The following SOCS7 variants were observed in gnomAD, a reference collection of about 807,000 sequenced individuals.
SOCS7 encodes the protein NAP-4.
SOCS7 carries 18 observed loss-of-function variants against 58.9 expected under a neutral mutation model. That is an observed-to-expected ratio of 0.31 (90% CI 0.21 to 0.45). The LOEUF is 0.45. Among genes scored for constraint, SOCS7 ranks in the 20% least tolerant of loss-of-function variants. The probability of loss-of-function intolerance (pLI) is 1.00; values close to 1 mark genes in which losing one functional copy is unlikely to be tolerated. For synonymous variants in SOCS7, 388 were observed against 364.3 expected (o/e 1.06, Z -0.74); for missense variants, 667 against 837.3 (o/e 0.80, Z 2.51).
rs1179341307 is a variant in SOCS7, at chr17:38,399,570, G to C, written c.*88G>C. ...CCAAATTAAGCTACCATGAAAAGAAGAGGAAAAGTGAGGGAACAGGAAGGT... is the reference window on the plus strand; with the variant it reads ...CCAAATTAAGCTACCATGAAAAGAACAGGAAAAGTGAGGGAACAGGAAGGT... On this transcript the variant is annotated 3_prime_UTR_variant, in exon 10 of 10. Coordinates refer to ENST00000612932, the MANE Select transcript of SOCS7 (RefSeq NM_014598.4). 1 of 152,648 alleles carries C rather than the reference G, an allele frequency of 6.6e-6. No individual in the cohort carries two copies. Among genetic ancestry groups the C allele is most frequent in the Non-Finnish European group, 1.5e-5 (1 of 68,042 alleles). The allele number at this position is 152,648 out of a possible 1,614,324, so 9.5% of individuals were successfully genotyped here.
chr17:38,380,219 T>G (rs2037983208), intron 7 of SOCS7, among the ~76,000 whole-genome samples: 1 of 152,212 alleles, frequency 6.6e-6, no homozygotes, highest in Non-Finnish European at 1.5e-5. Context: ...GAGTGTGTAG[T>G]GTTTGCAACT....
chr17:38,394,912 C>T (rs569989229), intron 7 of SOCS7, among the ~76,000 whole-genome samples: 1 of 152,058 alleles, frequency 6.6e-6, no homozygotes, highest in Non-Finnish European at 1.5e-5. Context: ...TATCTGGGTA[C>T]GATGGCATGC....
chr17:38,387,960 C>T (rs983985676), intron 7 of SOCS7, among the ~76,000 whole-genome samples: 7 of 151,368 alleles, frequency 4.6e-5, no homozygotes, highest in Non-Finnish European at 7.4e-5. Flanking sequence ...TTAGTAGAGA[C>T]GGGATTTCGC....
intron 2 of SOCS7, among the ~76,000 whole-genome samples, chr17:38,362,482 T>G (rs1458443029): frequency 1.2e-4 from 19 of 152,236 alleles, no homozygotes; most frequent in Admixed American, 1.2e-3. Context: ...TTTGCCCATG[T>G]CTCAGAAACT....
chr17:38,366,481 C>T (rs1168500271), intron 5 of SOCS7, 64 bp downstream of exon 5: 1 of 1,572,332 alleles, frequency 6.4e-7, no homozygotes, highest in East Asian at 2.2e-5. Context: ...TGTATTCGGA[C>T]ACACCTTTAT....
chr17:38,354,584 C>T (rs1466132796), intron 1 of SOCS7, among the ~76,000 whole-genome samples: 1 of 152,172 alleles, frequency 6.6e-6, no homozygotes, highest in Non-Finnish European at 1.5e-5. Flanking sequence ...TTCTGCTTTG[C>T]CTCCCAGTGA....
In SOCS7 at chr17:38,352,630, C is replaced by T; in HGVS notation, c.578C>T (p.Thr193Ile). ...GLESEAESLE[T>I]NSCSEEELSS... ...GAATCGGAGGCCGAGAGCCTGGAGA[C>T]TAACAGCTGCTCGGAAGAGGAGCTC... is the stretch of plus-strand genomic sequence containing the variant. The change falls in exon 1 of 10, where the codon ACT (threonine) becomes ATT (isoleucine). Residue 193 changes from threonine to isoleucine, a missense_variant. Thr to Ile is a moderately conservative substitution (Grantham distance 89). Coordinates refer to ENST00000612932, the MANE Select transcript of SOCS7 (RefSeq NM_014598.4). The surrounding 1 kb of genome is among the most constrained non-coding windows in gnomAD (Gnocchi z 5.5). 1 of 1,550,090 alleles carries T rather than the reference C, an allele frequency of 6.5e-7. No homozygotes were observed. Among genetic ancestry groups the T allele is most frequent in the Non-Finnish European group, 8.7e-7 (1 of 1,146,858 alleles).
rs574470523 is a variant in SOCS7, at chr17:38,352,882, G to A, written c.830G>A (p.Arg277His). The A allele has an allele frequency of 3.8e-6, 6 of 1,597,392 alleles. No individual in the cohort carries two copies. Among genetic ancestry groups the A allele is most frequent in the Admixed American group, 1.7e-5 (1 of 57,878 alleles). Residue 277 changes from arginine to histidine, a missense_variant, in exon 1 of 10, where the codon CGC becomes CAC. Coordinates refer to ENST00000612932, the MANE Select transcript of SOCS7 (RefSeq NM_014598.4). The surrounding 1 kb of genome is among the most constrained non-coding windows in gnomAD (Gnocchi z 5.5). The stretch of plus-strand genomic sequence containing the variant: ...TCTCGGAAGGGCTCCTTCAAAATCC[G>A]CCTCAGTCGCCTCTTTCGCACCAAG... ...GPSRKGSFKI[R>H]LSRLFRTKSC...
At chr17:38,373,184 A>G (rs1318852696) in intron 6 of SOCS7, among the ~76,000 whole-genome samples, 1 of 152,222 alleles carries the variant, frequency 6.6e-6, no homozygotes, top group Non-Finnish European at 1.5e-5. Flanking sequence ...ATTATATGAC[A>G]ACTTAAAGCA....
intron 6 of SOCS7, among the ~76,000 whole-genome samples, chr17:38,371,430 C>A (rs2037862725): frequency 6.6e-6 from 1 of 152,128 alleles, no homozygotes; most frequent in Admixed American, 6.5e-5. Context: ...CCACCACGCC[C>A]AGCTAATTTT....
Position 38,390,046 on chromosome 17 carries a change from C to G in SOCS7, c.1682-5263C>G, listed in dbSNP as rs1372057819. ...AAGTGATCCTCCCACCTCAGCCTCT[C>G]AAAGTTCTGGGATTACAGGTGTGAG... is the stretch of plus-strand genomic sequence containing the variant. On this transcript the variant is annotated intron_variant, in intron 7 of 9. Transcript: ENST00000612932. Among the ~76,000 whole-genome samples the G allele has an allele frequency of 3.3e-5, 5 of 149,650 alleles. No homozygotes were observed. In the East Asian group the frequency reaches 8.1e-4, roughly 24 times the overall value.
chr17:38,389,346 A>T (rs778736039), intron 7 of SOCS7, among the ~76,000 whole-genome samples: 1 of 152,204 alleles, frequency 6.6e-6, no homozygotes, highest in Non-Finnish European at 1.5e-5. Context: ...GCTTGAGCCC[A>T]GGAGCTCAAG....
chr17:38,373,488 A>G (rs926689470), intron 6 of SOCS7, among the ~76,000 whole-genome samples: 1 of 152,252 alleles, frequency 6.6e-6, no homozygotes, highest in Non-Finnish European at 1.5e-5. Flanking sequence ...TTAAGGCAGG[A>G]AGGGGTAGGC....
At chr17:38,391,691 G>A (rs552490262) in intron 7 of SOCS7, among the ~76,000 whole-genome samples, 1 of 152,234 alleles carries the variant, frequency 6.6e-6, no homozygotes, top group South Asian at 2.1e-4. Context: ...GTGAGCCACC[G>A]CACTGGGCCT....
rs1555571102 is a variant in SOCS7 at position 38,389,906 on chromosome 17, T to TATATATATATATAG, written c.1682-5402_1682-5401insTATATATATATAGA. Among the ~76,000 whole-genome samples, 215 of 103,450 alleles carry TATATATATATATAG rather than the reference T, an allele frequency of 2.1e-3. 8 individuals are homozygous for TATATATATATATAG. Among genetic ancestry groups the TATATATATATATAG allele is most frequent in the African/African-American group, 9.7e-3 (207 of 21,294 alleles). The allele number at this position is 103,450 out of a possible 152,430, so 67.9% of individuals were successfully genotyped here. A position where few individuals can be genotyped will look rare whatever the true frequency, so the allele number is the denominator to read the frequency against. On this transcript the variant is annotated intron_variant, in intron 7 of 9. Transcript: ENST00000612932. ...ATGTACATATATATATATACACATA[T>TATATATATATATAG]AGAGAGAGAGAGAGAGAGAGAGTGA... is the stretch of plus-strand genomic sequence containing the variant.
intron 7 of SOCS7, among the ~76,000 whole-genome samples, chr17:38,391,002 T>G (rs890289436): frequency 1.1e-4 from 17 of 152,296 alleles, no homozygotes; most frequent in Non-Finnish European, 2.1e-4. Context: ...TGGCCCATAT[T>G]TTTTCATAAT....
chr17:38,376,732 A>C (rs2037936028), intron 6 of SOCS7, among the ~76,000 whole-genome samples: 1 of 142,864 alleles, frequency 7.0e-6, no homozygotes. Context: ...ACCCTGTCGC[A>C]AAAAAAAAAA....
rs759423035 is a variant in SOCS7, at chr17:38,365,439, A to G, written c.1252+30A>G. On this transcript the variant is annotated intron_variant, in intron 4 of 9. Coordinates refer to ENST00000612932, the MANE Select transcript of SOCS7 (RefSeq NM_014598.4). ...GCTTAGTTTAGAGGCAAGACTTGTA[A>G]GAGTTGGGAGTACAAAGTGATACTT... 1.1e-5 allele frequency: 16 copies of G among 1,437,464 alleles called. No individual in the cohort carries two copies. The Admixed American group carries it at 3.0e-4, about 27-fold the overall frequency. The allele number at this position is 1,437,464 out of a possible 1,614,324, so 89.0% of individuals were successfully genotyped here. A position where few individuals can be genotyped will look rare whatever the true frequency, so the allele number is the denominator to read the frequency against.
intron 2 of SOCS7, among the ~76,000 whole-genome samples, chr17:38,362,280 A>G (rs959095252): frequency 2.6e-5 from 4 of 152,120 alleles, no homozygotes; most frequent in Non-Finnish European, 4.4e-5. Flanking sequence ...AGACTTCTTT[A>G]TTGTATCTAA....
Sources: gnomAD v4.1 joint callset for allele counts (sites outside exome capture counted in the v4.1 genomes callset) on GRCh38, gnomAD v4.1.1 for gene constraint, Gnocchi (gnomAD v3.1) non-coding constraint, MANE v1.5 for transcripts, NCBI Gene and HGNC (gene_info 2026-07-23, HGNC 2026-07-21) for gene names.